GDNF: variants seen among roughly 807,000 people sequenced by gnomAD.
The protein encoded by GDNF is glial cell derived neurotrophic factor.
A neutral mutation model predicts 13.7 loss-of-function variants in GDNF; 5 were observed. The observed-to-expected ratio is 0.36, with a 90% CI of 0.19 to 0.77. The LOEUF (loss-of-function observed/expected upper bound fraction) is 0.77, where lower values mean the gene tolerates loss of function less well. GDNF is among the 30% of genes least tolerant of loss of function. The pLI, the probability that GDNF is intolerant of heterozygous loss-of-function variation, is 0.51. For missense variants in GDNF, 246 were observed against 274.3 expected (o/e 0.90, Z 0.73); for synonymous variants, 122 against 112.5 (o/e 1.08, Z -0.53).
intron 2 of GDNF, among the ~76,000 whole-genome samples, chr5:37,817,602 A>G (rs1242295402): frequency 8.9e-6 from 1 of 112,892 alleles, no homozygotes; most frequent in Non-Finnish European, 1.9e-5. Context: ...ACGTGTGTGT[A>G]GAGTGTGTGT....
Position 37,838,722 on chromosome 5 carries a change from G to A in GDNF, c.-27+785C>T, listed in dbSNP as rs1310778713. On this transcript the variant is annotated intron_variant, in intron 1 of 2. Transcript: ENST00000326524. This position sits in a 1 kb window ranked among gnomAD's most constrained non-coding sequence, Gnocchi z 4.1. ...AAACCACCAGTGCGGAATTAGCCTC[G>A]AGGTGGTGTAAAGTAGTGGCAGTGG... Among the ~76,000 whole-genome samples, 3 of 152,352 alleles carry A rather than the reference G, an allele frequency of 2.0e-5. No individual in the cohort carries two copies. Among genetic ancestry groups the A allele is most frequent in the South Asian group, 2.1e-4 (1 of 4,828 alleles).
chr5:37,822,051 T>A (rs892498660), intron 2 of GDNF, among the ~76,000 whole-genome samples: 8 of 152,208 alleles, frequency 5.3e-5, no homozygotes, highest in African/African-American at 1.9e-4. Flanking sequence ...ACTTTCATTC[T>A]AAGTCATCCT....
intron 2 of GDNF, among the ~76,000 whole-genome samples, chr5:37,820,932 T>G (rs1750116373): frequency 6.9e-6 from 1 of 145,938 alleles, no homozygotes; most frequent in Non-Finnish European, 1.5e-5. Context: ...TTCATAGTCA[T>G]GAAAAATAGA....
chr5:37,817,138 T>G (rs1421928596), intron 2 of GDNF, among the ~76,000 whole-genome samples: 1 of 152,138 alleles, frequency 6.6e-6, no homozygotes, highest in Non-Finnish European at 1.5e-5. Context: ...GGAGATCACA[T>G]GGAGGAAGGA....
At chr5:37,833,305 C>A (rs1581590272) in intron 2 of GDNF, among the ~76,000 whole-genome samples, 1 of 152,172 alleles carries the variant, frequency 6.6e-6, no homozygotes, top group African/African-American at 2.4e-5. Context: ...GTTGGAGAAA[C>A]GTTTATATAC....
chr5:37,837,894 G>A lies in GDNF; in HGVS notation c.-27+1613C>T, dbSNP rs1253346398. Among the ~76,000 whole-genome samples the A allele has an allele frequency of 6.6e-6, 1 of 152,120 alleles. No individual in the cohort carries two copies. Among genetic ancestry groups the A allele is most frequent in the Non-Finnish European group, 1.5e-5 (1 of 68,032 alleles). On this transcript the variant is annotated intron_variant, in intron 1 of 2. Transcript: ENST00000326524. The surrounding 1 kb of genome is among the most constrained non-coding windows in gnomAD (Gnocchi z 6.5). Reference sequence around the variant, plus strand: ...GTGCCCCCGCACCTTCTTGTGCCTGGCAGGCTGGGAGGTTTGTTTGGGCTT... The same window carrying A: ...GTGCCCCCGCACCTTCTTGTGCCTGACAGGCTGGGAGGTTTGTTTGGGCTT...
rs769075285 is a variant in GDNF, at chr5:37,815,910, T to G, written c.377A>C (p.Asn126Thr). 1.9e-6 allele frequency: 3 copies of G among 1,614,152 alleles called. No individual in the cohort carries two copies. Among genetic ancestry groups the G allele is most frequent in the Non-Finnish European group, 2.5e-6 (3 of 1,180,020 alleles). Residue 126 changes from asparagine to threonine, a missense_variant, in exon 3 of 3, where the codon AAT becomes ACT. Transcript: ENST00000326524. The surrounding 1 kb of genome is among the most constrained non-coding windows in gnomAD (Gnocchi z 5.0). ...ATAGCCCAGACCCAAGTCAGTGACA[T>G]TTAAATGTATTGCAGTTAAGACACA... Reference protein sequence around the residue: ...RGCVLTAIHLNVTDLGLGYET... With the variant: ...RGCVLTAIHLTVTDLGLGYET...
Position 37,819,444 on chromosome 5 carries a change from CTTTTTT to C in GDNF, c.152-3315_152-3310del, listed in dbSNP as rs529362873. On this transcript the variant is annotated intron_variant, in intron 2 of 2. Transcript: ENST00000326524. Reference sequence around the variant, plus strand: ...AGGGGGCCCAGGGAAGTGCTCTTTTCTTTTTTTTTTTTTTTTTTTGTTTTTGAGACG... The same window carrying C: ...AGGGGGCCCAGGGAAGTGCTCTTTTCTTTTTTTTTTTTTGTTTTTGAGACG... Among the ~76,000 whole-genome samples, 19 of 126,206 alleles carry C rather than the reference CTTTTTT, an allele frequency of 1.5e-4. No individual in the cohort carries two copies. In the East Asian group the frequency reaches 3.9e-3, roughly 26 times the overall value. 82.8% of individuals were successfully genotyped at this position (126,206 alleles called of 152,430 possible).
intron 1 of GDNF, among the ~76,000 whole-genome samples, chr5:37,836,819 G>GT (rs1561138193): frequency 6.6e-6 from 1 of 152,270 alleles, no homozygotes; most frequent in African/African-American, 2.4e-5. Flanking sequence ...TCTTAAGAGG[G>GT]TTTTCCCTTT....
At chr5:37,834,866 A>T in intron 1 of GDNF, 44 bp from the exon 2 acceptor site, 1 of 1,574,856 alleles carries the variant, frequency 6.3e-7, no homozygotes, top group Non-Finnish European at 8.7e-7. Flanking sequence ...CGCAGAATGC[A>T]CGTTAAGCCT....
chr5:37,826,876 G>A (rs920865033), intron 2 of GDNF, among the ~76,000 whole-genome samples: 1 of 152,148 alleles, frequency 6.6e-6, no homozygotes, highest in African/African-American at 2.4e-5. Context: ...CCATTCTATT[G>A]TGGGGCCTGT....
chr5:37,833,381 T>C (rs1398152159), intron 2 of GDNF, among the ~76,000 whole-genome samples: 1 of 152,268 alleles, frequency 6.6e-6, no homozygotes, highest in Non-Finnish European at 1.5e-5. Flanking sequence ...CAGACACTCT[T>C]GGAACAGGTA....
chr5:37,823,252 G>A (rs1750201483), intron 2 of GDNF: 2 of 152,170 alleles, frequency 1.3e-5, no homozygotes, highest in African/African-American at 4.8e-5. Context: ...TTGTCTTTTT[G>A]TTTTAAAGTA....
chr5:37,819,877 C>T (rs1288056777), intron 2 of GDNF, among the ~76,000 whole-genome samples: 1 of 151,474 alleles, frequency 6.6e-6, no homozygotes, highest in Non-Finnish European at 1.5e-5. Context: ...AAACAATTGA[C>T]TTAAAAAAAA....
chr5:37,835,313 A>G, intron 1 of GDNF: 1 of 534,648 alleles, frequency 1.9e-6, no homozygotes, highest in Non-Finnish European at 3.0e-6. Context: ...TCTCTTTGGA[A>G]ATAAAATCAA....
At chr5:37,820,891 A>C (rs924318750) in intron 2 of GDNF, among the ~76,000 whole-genome samples, 5 of 152,208 alleles carry the variant, frequency 3.3e-5, no homozygotes, top group Non-Finnish European at 7.3e-5. Flanking sequence ...GGCCATAGGC[A>C]ACTCTTATTA....
Position 37,816,040 on chromosome 5 carries a change from T to C in GDNF, c.247A>G (p.Met83Val). The change falls in exon 3 of 3, where the codon ATG becomes GTG. Residue 83 changes from methionine (M) to valine (V), a missense_variant. By Grantham distance (21) the Met-to-Val change is conservative. Transcript: ENST00000326524. ...KRLKRSPDKQ[M>V]AVLPRRERNR... is the part of the protein sequence containing the mutation. The stretch of plus-strand genomic sequence containing the variant: ...CGCTCTCTTCTAGGAAGCACTGCCA[T>C]TTGTTTATCTGGTGACCTTTTCAGT... 1 of 1,613,508 alleles carries C rather than the reference T, an allele frequency of 6.2e-7. No homozygotes were observed. Among genetic ancestry groups the C allele is most frequent in the Non-Finnish European group, 8.5e-7 (1 of 1,179,508 alleles).
At chr5:37,834,915 T>C (rs149499929) in intron 1 of GDNF, 93 bp from the exon 2 acceptor site, 22,570 of 1,135,104 alleles carry the variant, frequency 0.02, 301 homozygotes, top group Non-Finnish European at 0.024. Flanking sequence ...TCCAACCTCG[T>C]CACCGCCCTC....
chr5:37,820,581 T>C (rs983930715), intron 2 of GDNF, among the ~76,000 whole-genome samples: 2 of 152,174 alleles, frequency 1.3e-5, no homozygotes, highest in African/African-American at 4.8e-5. Flanking sequence ...AACTGTGGAC[T>C]TTGAGTGATA....
Sources: gnomAD v4.1 joint callset for allele counts (sites outside exome capture counted in the v4.1 genomes callset) on GRCh38, gnomAD v4.1.1 for gene constraint, Gnocchi (gnomAD v3.1) non-coding constraint, MANE v1.5 for transcripts, NCBI Gene and HGNC (gene_info 2026-07-23, HGNC 2026-07-21) for gene names.